SNX13: variants seen among roughly 807,000 people sequenced by gnomAD.
The protein encoded by SNX13 is sorting nexin 13, also known as sorting nexin-13.
SNX13 carries 45 observed loss-of-function variants against 133.6 expected under a neutral mutation model. The observed-to-expected ratio is 0.34, with a 90% CI of 0.27 to 0.43. SNX13 has a LOEUF of 0.43. SNX13 is among the 20% of genes least tolerant of loss of function. SNX13 has a pLI of 1.00. For missense variants in SNX13, 1,032 were observed against 1,145.1 expected (o/e 0.90, Z 1.43); for synonymous variants, 414 against 373.9 (o/e 1.11, Z -1.24).
intron 11 of SNX13, among the ~76,000 whole-genome samples, chr7:17,849,352 T>C (rs1790929081): frequency 1.3e-5 from 2 of 152,350 alleles, no homozygotes; most frequent in South Asian, 2.1e-4. Flanking sequence ...ATCCAGTCTC[T>C]AATCGCTTCT....
At position 17,838,430 on chromosome 7, in the gene SNX13, A is replaced by C. The variant is rs1287819446; in HGVS notation, c.1359+1377T>G. 2.6e-5 allele frequency among the ~76,000 whole-genome samples: 4 copies of C among 151,974 alleles called. No homozygotes were observed. The Middle Eastern group carries it at 0.01, about 388-fold the overall frequency. On this transcript the variant is annotated intron_variant, in intron 13 of 25. Coordinates refer to ENST00000428135, the MANE Select transcript of SNX13 (RefSeq NM_015132.5). ...TATTGTTGATATTTTCAGAGAACCA[A>C]CTTTTGGTTTTAGATTTTCACTATG...
intron 15 of SNX13, among the ~76,000 whole-genome samples, chr7:17,832,776 A>C (rs2128310529): frequency 1.3e-5 from 2 of 151,680 alleles, no homozygotes; most frequent in African/African-American, 4.8e-5. Context: ...AAGTAAACTT[A>C]TAGAGTATTA....
chr7:17,923,264 C>A (rs1800330819), intron 1 of SNX13, among the ~76,000 whole-genome samples: 1 of 152,154 alleles, frequency 6.6e-6, no homozygotes, highest in Admixed American at 6.5e-5. Context: ...GGAAAAATAA[C>A]TTACTATACA....
At position 17,891,572 on chromosome 7, in the gene SNX13, T is replaced by C; in HGVS notation, c.292A>G (p.Asn98Asp). Residue 98 changes from asparagine (N) to aspartate (D), a missense_variant, in exon 4 of 26, where the codon AAT (asparagine) becomes GAT (aspartate). Coordinates refer to ENST00000428135, the MANE Select transcript of SNX13 (RefSeq NM_015132.5). The part of the protein sequence containing the change: ...IKIDRRLTGA[N>D]IIDEPLQQVI... Reference sequence around the variant, plus strand: ...TGCTGGAGAGGTTCATCAATTATATTGGCACCCGTCAATCTTCTATCAATC... The same window carrying C: ...TGCTGGAGAGGTTCATCAATTATATCGGCACCCGTCAATCTTCTATCAATC... 1 of 1,612,562 alleles carries C rather than the reference T, an allele frequency of 6.2e-7. No individual in the cohort carries two copies. Among genetic ancestry groups the C allele is most frequent in the Non-Finnish European group, 8.5e-7 (1 of 1,179,002 alleles).
intron 12 of SNX13, 137 bp from the exon 13 acceptor site, chr7:17,840,137 CCT>C (rs1789700936): frequency 1.6e-6 from 1 of 640,726 alleles, no homozygotes; most frequent in South Asian, 3.9e-5. Context: ...TTAGCAAATC[CCT>C]GAGGTGAAAA....
intron 9 of SNX13, among the ~76,000 whole-genome samples, chr7:17,852,527 T>A (rs1011846836): frequency 4.6e-5 from 7 of 152,096 alleles, no homozygotes; most frequent in African/African-American, 1.7e-4. Context: ...TGTAAAAGTT[T>A]ATTGGAGGAG....
chr7:17,813,127 GA>G (rs908276385), intron 20 of SNX13, among the ~76,000 whole-genome samples: 2 of 151,510 alleles, frequency 1.3e-5, no homozygotes, highest in African/African-American at 4.9e-5. Flanking sequence ...AATAAAAAAT[GA>G]AAAAAAAGTG....
At chr7:17,871,298 C>A (rs1360409036) in intron 8 of SNX13, among the ~76,000 whole-genome samples, 2 of 152,116 alleles carry the variant, frequency 1.3e-5, no homozygotes, top group East Asian at 3.9e-4. Context: ...AGCCACCGCG[C>A]CTGGCCAAGG....
rs1305599040 is a variant in SNX13 at position 17,891,706 on chromosome 7, A to G, written c.229-71T>C. ...AATCTCTCCAGTTTAATTCCAGTTG[A>G]ATACTCAATGTAACATCCCTTCATT... On this transcript the variant is annotated intron_variant, in intron 3 of 25. Coordinates refer to ENST00000428135, the MANE Select transcript of SNX13 (RefSeq NM_015132.5). 7.8e-6 allele frequency: 8 copies of G among 1,023,652 alleles called. No individual in the cohort carries two copies. The African/African-American group carries it at 1.3e-4, about 16-fold the overall frequency. The allele number at this position is 1,023,652 out of a possible 1,614,324, so 63.4% of individuals were successfully genotyped here. A position where few individuals can be genotyped will look rare whatever the true frequency, so the allele number is the denominator to read the frequency against.
At chr7:17,933,086 A>G (rs2128049950) in intron 1 of SNX13, among the ~76,000 whole-genome samples, 1 of 152,354 alleles carries the variant, frequency 6.6e-6, no homozygotes, top group Non-Finnish European at 1.5e-5. Context: ...ACGAGTTATA[A>G]CAAAAGCCTT....
At chr7:17,911,778 G>A (rs566704298) in intron 1 of SNX13, among the ~76,000 whole-genome samples, 98 of 152,050 alleles carry the variant, frequency 6.4e-4, no homozygotes, top group African/African-American at 2.1e-3. Context: ...ATCTTTTAGC[G>A]GTCAAACTAT....
chr7:17,796,998 G>T, intron 24 of SNX13, 59 bp from the exon 25 acceptor site: 1 of 1,254,182 alleles, frequency 8.0e-7, no homozygotes, highest in Non-Finnish European at 1.1e-6. Flanking sequence ...GATACAAGTT[G>T]ATAAAATTAT....
rs934338551 is a variant in SNX13, at chr7:17,831,934, G to A, written c.1598-1887C>T. On this transcript the variant is annotated intron_variant, in intron 15 of 25. Transcript: ENST00000428135. Reference sequence around the variant, plus strand: ...GCTGACAGTTACTTTAAATAGTAATGTTTCATATTATACCCATCACTCCAT... The same window carrying A: ...GCTGACAGTTACTTTAAATAGTAATATTTCATATTATACCCATCACTCCAT... The A allele has an allele frequency of 3.0e-6, 3 of 984,000 alleles. No homozygotes were observed. In the African/African-American group the frequency reaches 5.3e-5, roughly 17 times the overall value. 61.0% of individuals were successfully genotyped at this position (984,000 alleles called of 1,614,324 possible).
chr7:17,852,535 G>A (rs999339923), intron 9 of SNX13, among the ~76,000 whole-genome samples: 1 of 152,076 alleles, frequency 6.6e-6, no homozygotes, highest in Non-Finnish European at 1.5e-5. Context: ...TTTATTGGAG[G>A]AGTTCAAGAA....
At chr7:17,811,105 C>CT (rs1395114134) in intron 20 of SNX13, among the ~76,000 whole-genome samples, 2 of 152,148 alleles carry the variant, frequency 1.3e-5, no homozygotes, top group Admixed American at 6.5e-5. Flanking sequence ...AGGATACCCT[C>CT]TCTCACCACT....
intron 20 of SNX13, among the ~76,000 whole-genome samples, chr7:17,806,935 G>T (rs949266135): frequency 1.3e-5 from 2 of 152,300 alleles, no homozygotes; most frequent in South Asian, 4.1e-4. Flanking sequence ...CAGATACTAC[G>T]CTTTTCCCAC....
intron 15 of SNX13, chr7:17,831,780 T>A (rs1448309149): frequency 1.0e-6 from 1 of 983,778 alleles, no homozygotes; most frequent in East Asian, 1.1e-4. Flanking sequence ...AAAACTAATT[T>A]ATAACAAAAA....
intron 13 of SNX13, among the ~76,000 whole-genome samples, chr7:17,836,825 T>C (rs1215819905): frequency 6.6e-6 from 1 of 152,062 alleles, no homozygotes; most frequent in African/African-American, 2.4e-5. Context: ...CAGAAAGACT[T>C]TTTAAAAGAC....
chr7:17,910,233 C>T (rs1256271561), intron 1 of SNX13, among the ~76,000 whole-genome samples: 1 of 151,874 alleles, frequency 6.6e-6, no homozygotes, highest in South Asian at 2.1e-4. Context: ...GTTTTAGGAA[C>T]ATAAATATAA....
Sources: gnomAD v4.1 joint callset for allele counts (sites outside exome capture counted in the v4.1 genomes callset) on GRCh38, gnomAD v4.1.1 for gene constraint, MANE v1.5 for transcripts, NCBI Gene and HGNC (gene_info 2026-07-23, HGNC 2026-07-21) for gene names.